DHX58: variants seen among roughly 807,000 people sequenced by gnomAD.
DHX58 encodes the protein DExH-box helicase 58, also known as ATP-dependent RNA helicase DHX58.
Under a neutral mutation model 65.0 loss-of-function variants are expected in DHX58, and 51 were observed. The observed-to-expected ratio is 0.78, with a 90% CI of 0.63 to 0.99. The LOEUF is 0.99. Among genes scored for constraint, DHX58 ranks in the 50% least tolerant of loss-of-function variants. The pLI is 0.00. For missense variants in DHX58, 773 were observed against 891.8 expected (o/e 0.87, Z 1.70); for synonymous variants, 350 against 365.0 (o/e 0.96, Z 0.47).
Position 42,110,795 on chromosome 17 carries a change from C to CA in DHX58, c.488dup (p.Leu164AlafsTer79), listed in dbSNP as rs1568006194. On this transcript the variant is annotated frameshift_variant, in exon 5 of 14. Transcript: ENST00000251642. LOFTEE classifies it high-confidence loss of function. ...TGCCTGGGGAGGCTGTGAGACCCAG[C>CA]ACCTGGGGTAGCGGCTGTGCCCTCT... is the stretch of plus-strand genomic sequence containing the variant. 1 of 1,613,876 alleles carries CA rather than the reference C, an allele frequency of 6.2e-7. No homozygotes were observed. Among genetic ancestry groups the CA allele is most frequent in the Admixed American group, 1.7e-5 (1 of 59,986 alleles).
At chr17:42,102,660 T>A (rs1408107071) in intron 12 of DHX58, 1 of 190,228 alleles carries the variant, frequency 5.3e-6, no homozygotes, top group Non-Finnish European at 1.1e-5. Flanking sequence ...TTCCTTAAAA[T>A]CTATCCAAGA....
chr17:42,106,192 A>AAG (rs1311954699), intron 8 of DHX58, among the ~76,000 whole-genome samples: 3 of 150,402 alleles, frequency 2.0e-5, no homozygotes, highest in Admixed American at 1.3e-4. Flanking sequence ...AAGCAAGAGA[A>AAG]AGAGAGAGAG....
At position 42,101,673 on chromosome 17, in the gene DHX58, C is replaced by T. The variant is rs2053979251; in HGVS notation, c.*88G>A. On this transcript the variant is annotated 3_prime_UTR_variant, in exon 14 of 14. Transcript: ENST00000251642. ...TGGCTGGTGGGCCTGATGCCCACAG[C>T]TGATGATTCAGGAAGGAGGGGCCTG... 4 of 1,527,346 alleles carry T rather than the reference C, an allele frequency of 2.6e-6. No individual in the cohort carries two copies. The highest frequency in any genetic ancestry group is 3.5e-6 in the Non-Finnish European group (4 of 1,127,018). 94.6% of individuals were successfully genotyped at this position (1,527,346 alleles called of 1,614,324 possible).
Position 42,111,898 on chromosome 17 carries a change from G to C in DHX58, c.-1-5C>G. 2 of 1,603,688 alleles carry C rather than the reference G, an allele frequency of 1.2e-6. No homozygotes were observed. The highest frequency in any genetic ancestry group is 1.7e-6 in the Non-Finnish European group (2 of 1,173,348). ...TGGTAGGACCGAAGCTCCATTCTGGGAATGGCAGGGGACTCAGACCCACCG... is the reference window on the plus strand; with the variant it reads ...TGGTAGGACCGAAGCTCCATTCTGGCAATGGCAGGGGACTCAGACCCACCG... On this transcript the variant is annotated splice_region_variant and splice_polypyrimidine_tract_variant and intron_variant, in intron 2 of 13. Transcript: ENST00000251642.
chr17:42,104,637 C>G (rs976165357), intron 11 of DHX58, 129 bp downstream of exon 11: 1 of 1,300,886 alleles, frequency 7.7e-7, no homozygotes, highest in Non-Finnish European at 1.0e-6. Flanking sequence ...TTAAACCTTC[C>G]CTAGGTGGCC....
At chr17:42,109,181 G>C in intron 6 of DHX58, 89 bp downstream of exon 6, 1 of 1,092,306 alleles carries the variant, frequency 9.2e-7, no homozygotes, top group East Asian at 2.6e-5. Flanking sequence ...TGAAGTCACA[G>C]AGCTAGTGAG....
At chr17:42,104,296 A>AG (rs1555662137) in intron 11 of DHX58, among the ~76,000 whole-genome samples, 1 of 152,026 alleles carries the variant, frequency 6.6e-6, no homozygotes. Flanking sequence ...TCAATCTTGA[A>AG]GGACTTTAGG....
At chr17:42,103,404 A>T (rs2054007221) in intron 12 of DHX58, 1 of 619,470 alleles carries the variant, frequency 1.6e-6, no homozygotes, top group South Asian at 2.1e-5. Context: ...GGCTGTGGGA[A>T]CTTGGGCAAG....
At chr17:42,109,606 A>T (rs1285531625) in intron 5 of DHX58, among the ~76,000 whole-genome samples, 5 of 152,178 alleles carry the variant, frequency 3.3e-5, no homozygotes, top group Non-Finnish European at 5.9e-5. Context: ...TAAAAGAATA[A>T]TAGAACCGGC....
intron 13 of DHX58, 48 bp from the exon 14 acceptor site, chr17:42,101,994 T>C: frequency 1.9e-6 from 3 of 1,551,606 alleles, no homozygotes; most frequent in Non-Finnish European, 2.6e-6. Flanking sequence ...GGCCTCAGAC[T>C]GGGCTTCTCT....
chr17:42,112,057 G>T (rs1260582363), intron 2 of DHX58, 56 bp downstream of exon 2: 12 of 844,226 alleles, frequency 1.4e-5, no homozygotes, highest in African/African-American at 1.7e-5. Context: ...CTGCCCAAAA[G>T]GGGGAGGCGG....
chr17:42,104,833 A>G lies in DHX58; in HGVS notation c.1496T>C (p.Leu499Pro). 1 of 1,614,148 alleles carries G rather than the reference A, an allele frequency of 6.2e-7. No homozygotes were observed. Among genetic ancestry groups the G allele is most frequent in the Non-Finnish European group, 8.5e-7 (1 of 1,180,032 alleles). Reference sequence around the variant, plus strand: ...CACTGCCTGCTCCATCAGCGTCTCCAGCGCCTCGTTGATCAGCTCCCGCTT... The same window carrying G: ...CACTGCCTGCTCCATCAGCGTCTCCGGCGCCTCGTTGATCAGCTCCCGCTT... ...ELKRELINEALETLMEQAVAA... is the reference protein window; with the variant it reads ...ELKRELINEAPETLMEQAVAA... The change falls in exon 11 of 14, where the codon CTG becomes CCG. Residue 499 changes from leucine to proline, a missense_variant. Physicochemically the swap from Leu to Pro is moderately conservative, Grantham distance 98. Coordinates refer to ENST00000251642, the MANE Select transcript of DHX58 (RefSeq NM_024119.3).
In DHX58 at chr17:42,101,477, T is replaced by G; in HGVS notation, c.*284A>C. The G allele has an allele frequency of 3.2e-6, 1 of 311,820 alleles. No individual in the cohort carries two copies. The highest frequency in any genetic ancestry group is 5.9e-6 in the Non-Finnish European group (1 of 170,874). The allele number at this position is 311,820 out of a possible 1,614,324, so 19.3% of individuals were successfully genotyped here. On this transcript the variant is annotated 3_prime_UTR_variant, in exon 14 of 14. Coordinates refer to ENST00000251642, the MANE Select transcript of DHX58 (RefSeq NM_024119.3). Reference sequence around the variant, plus strand: ...AGAAGTGGCCTTGGTAGGGAAGGAATGTCGTGATTCTGAGTACAGTATGGC... The same window carrying G: ...AGAAGTGGCCTTGGTAGGGAAGGAAGGTCGTGATTCTGAGTACAGTATGGC...
rs2053989586 is a variant in DHX58 at position 42,102,205 on chromosome 17, T to G, written c.1851+11A>C. On this transcript the variant is annotated intron_variant, in intron 13 of 13. Transcript: ENST00000251642. ...GGACTCTGGGGCCTGGGACGTGGCC[T>G]AAGCTCTTACCTCCCCACAGTTCCT... 11 of 1,614,036 alleles carry G rather than the reference T, an allele frequency of 6.8e-6. No homozygotes were observed. Among genetic ancestry groups the G allele is most frequent in the Non-Finnish European group, 9.3e-6 (11 of 1,179,908 alleles).
Position 42,104,902 on chromosome 17 carries a change from T to C in DHX58, c.1427A>G (p.Gln476Arg). 1.2e-6 allele frequency: 2 copies of C among 1,614,052 alleles called. No homozygotes were observed. Among genetic ancestry groups the C allele is most frequent in the Non-Finnish European group, 1.7e-6 (2 of 1,180,014 alleles). ...VQARGRARAD[Q>R]SVYAFVATEG... ...AGTTGCTACAAACGCGTATACACTC[T>C]GATCGGCCCGGGCACGGCCCCTGGC... Residue 476 changes from glutamine to arginine, a missense_variant, in exon 11 of 14, where the codon CAG (glutamine) becomes CGG (arginine). Coordinates refer to ENST00000251642, the MANE Select transcript of DHX58 (RefSeq NM_024119.3).
rs2053984631 is a variant in DHX58 at position 42,101,885 on chromosome 17, A to G, written c.1913T>C (p.Met638Thr). ...CCGCCCCTGAGGGGTCTCCAGCAGC[A>G]TGCTGCGGACTTTGAGCACTGGCAG... ...VKLPVLKVRS[M>T]LLETPQGRIQ... is the part of the protein sequence containing the mutation. Residue 638 changes from methionine to threonine, a missense_variant, in exon 14 of 14, where the codon ATG (methionine) becomes ACG (threonine). Transcript: ENST00000251642. 1 of 1,614,238 alleles carries G rather than the reference A, an allele frequency of 6.2e-7. No individual in the cohort carries two copies. Among genetic ancestry groups the G allele is most frequent in the Non-Finnish European group, 8.5e-7 (1 of 1,180,034 alleles).
At chr17:42,105,480 C>T (rs1426104052) in intron 9 of DHX58, among the ~76,000 whole-genome samples, 22 of 151,966 alleles carry the variant, frequency 1.4e-4, no homozygotes, top group Non-Finnish European at 2.9e-5. Flanking sequence ...AACTGCATCA[C>T]CCACCTCTTT....
chr17:42,107,119 T>C (rs1598217410), intron 8 of DHX58, among the ~76,000 whole-genome samples: 1 of 151,882 alleles, frequency 6.6e-6, no homozygotes, highest in Non-Finnish European at 1.5e-5. Context: ...CCCAGCACTT[T>C]GGGAGGCAGA....
At position 42,102,251 on chromosome 17, in the gene DHX58, G is replaced by C. The variant is rs1182071292; in HGVS notation, c.1816C>G (p.Pro606Ala). The change falls in exon 13 of 14, where the codon CCT becomes GCT. Residue 606 changes from proline to alanine, a missense_variant. Transcript: ENST00000251642. ...VINKVFKDWK[P>A]GGVISCRNCG... The stretch of plus-strand genomic sequence containing the variant: ...TTCCTGCAGCTGATGACACCCCCAG[G>C]CTTCCAGTCCTTGAAGACTTTGTTG... The C allele has an allele frequency of 1.2e-6, 2 of 1,614,058 alleles. No homozygotes were observed. The highest frequency in any genetic ancestry group is 1.7e-5 in the Admixed American group (1 of 60,006).
Sources: allele counts gnomAD v4.1 joint callset (sites outside exome capture counted in the v4.1 genomes callset), GRCh38; gene constraint gnomAD v4.1.1; transcripts MANE v1.5; gene names NCBI Gene and HGNC (gene_info 2026-07-23, HGNC 2026-07-21).